AGO1: variants seen among roughly 807,000 people sequenced by gnomAD.
The protein encoded by AGO1 is protein argonaute-1.
Under a neutral mutation model 109.2 loss-of-function variants are expected in AGO1, and 11 were observed. The observed-to-expected ratio is 0.10, with a 90% CI of 0.06 to 0.17. The LOEUF (loss-of-function observed/expected upper bound fraction) is 0.17. AGO1 is among the 10% of genes least tolerant of loss of function. The pLI is 1.00. For missense variants in AGO1, 574 were observed against 1,140.3 expected, an observed-to-expected ratio of 0.50 and a Z score of 7.15; for synonymous variants, 422 against 418.6, an observed-to-expected ratio of 1.01 and a Z score of -0.10.
In AGO1 at chr1:35,921,736, A is replaced by G. The variant is rs1645837495; in HGVS notation, c.*2129A>G. On this transcript the variant is annotated 3_prime_UTR_variant, in exon 19 of 19. Transcript: ENST00000373204. ...CGTAGCACAAACATTCATTATGGAGAAAGCATCAGGACTGTTGAGTAACTC... is the reference window on the plus strand; with the variant it reads ...CGTAGCACAAACATTCATTATGGAGGAAGCATCAGGACTGTTGAGTAACTC... The G allele has an allele frequency of 6.6e-6, 1 of 152,666 alleles. No homozygotes were observed. Among genetic ancestry groups the G allele is most frequent in the Non-Finnish European group, 1.5e-5 (1 of 68,058 alleles). The allele number at this position is 152,666 out of a possible 1,614,324, so 9.5% of individuals were successfully genotyped here.
rs1247664198 is a variant in AGO1, at chr1:35,893,984, T to G, written c.650-53T>G. On this transcript the variant is annotated intron_variant, in intron 5 of 18. Coordinates refer to ENST00000373204, the MANE Select transcript of AGO1 (RefSeq NM_012199.5). The surrounding 1 kb of genome is among the most constrained non-coding windows in gnomAD (Gnocchi z 5.6). ...GAGGGTATAAATTGCTGTGCCTCCA[T>G]GTATTGTGGAAGACAGAACCTGAGC... 6 of 1,523,130 alleles carry G rather than the reference T, an allele frequency of 3.9e-6. No homozygotes were observed. The highest frequency in any genetic ancestry group is 5.3e-6 in the Non-Finnish European group (6 of 1,134,298). The allele number at this position is 1,523,130 out of a possible 1,614,324, so 94.4% of individuals were successfully genotyped here.
chr1:35,892,988 A>G (rs1162379215), intron 3 of AGO1, 109 bp from the exon 4 acceptor site: 3 of 1,143,416 alleles, frequency 2.6e-6, no homozygotes, highest in African/African-American at 1.6e-5. Flanking sequence ...GATTTTCATT[A>G]TGAGCCCCTA....
chr1:35,897,305 CAT>C, intron 8 of AGO1, among the ~76,000 whole-genome samples: 2 of 152,262 alleles, frequency 1.3e-5, no homozygotes, highest in South Asian at 4.1e-4. Flanking sequence ...CAAATTATGA[CAT>C]AGAATCAACC....
At chr1:35,902,521 A>T (rs1417449677) in intron 11 of AGO1, among the ~76,000 whole-genome samples, 184 bp downstream of exon 11, 1 of 152,224 alleles carries the variant, frequency 6.6e-6, no homozygotes, top group African/African-American at 2.4e-5. Context: ...GGGGAAGTTA[A>T]TAAGGAGCCA....
At chr1:35,885,724 G>A (rs1356493741) in intron 1 of AGO1, among the ~76,000 whole-genome samples, 1 of 152,272 alleles carries the variant, frequency 6.6e-6, no homozygotes, top group Non-Finnish European at 1.5e-5. Context: ...AGCACATACA[G>A]TGGACTGGGT....
intron 2 of AGO1, among the ~76,000 whole-genome samples, chr1:35,892,035 A>C (rs896382020): frequency 6.6e-6 from 1 of 151,944 alleles, no homozygotes; most frequent in Non-Finnish European, 1.5e-5. Flanking sequence ...ATGCCACCAT[A>C]CCCAGCTAAT....
chr1:35,883,336 C>T lies in AGO1; in HGVS notation c.-86C>T, dbSNP rs1645060435. On this transcript the variant is annotated 5_prime_UTR_variant, in exon 1 of 19. Transcript: ENST00000373204. The surrounding 1 kb of genome is among the most constrained non-coding windows in gnomAD (Gnocchi z 5.4). ...GGGAGCCGAGCCCGGCCCGGGATCC[C>T]GAGCAGCGAGAGTGTGGGGTACCTA... 4 of 1,538,868 alleles carry T rather than the reference C, an allele frequency of 2.6e-6. No homozygotes were observed. The South Asian group carries it at 3.6e-5, about 14-fold the overall frequency.
At chr1:35,870,529 C>T (rs892969028) in intron 1 of AGO1, among the ~76,000 whole-genome samples, 1 of 152,100 alleles carries the variant, frequency 6.6e-6, no homozygotes, top group Non-Finnish European at 1.5e-5. Flanking sequence ...GTGATCTGCA[C>T]GCCTCGCCTC....
upstream of AGO1, chr1:35,883,188 G>A: frequency 8.6e-7 from 1 of 1,165,694 alleles, no homozygotes. The surrounding 1 kb of genome is among the most constrained non-coding windows in gnomAD (Gnocchi z 5.4). Flanking sequence ...CGCCCCCTGG[G>A]CCCGGCGGTC....
rs1015973853 is a variant in AGO1 at position 35,892,961 on chromosome 1, G to T, written c.331-136G>T. ...TGAGCCAAGGTGGCTAGAACCTAAGGGGCTAGACTTACTCTGGATTTTCAT... is the reference window on the plus strand; with the variant it reads ...TGAGCCAAGGTGGCTAGAACCTAAGTGGCTAGACTTACTCTGGATTTTCAT... On this transcript the variant is annotated intron_variant, in intron 3 of 18. Transcript: ENST00000373204. 14 of 982,234 alleles carry T rather than the reference G, an allele frequency of 1.4e-5. No homozygotes were observed. In the African/African-American group the frequency reaches 2.0e-4, roughly 14 times the overall value. The allele number at this position is 982,234 out of a possible 1,614,324, so 60.8% of individuals were successfully genotyped here.
In AGO1 at chr1:35,923,684, T is replaced by C. The variant is rs1447359167; in HGVS notation, c.*4077T>C. 1 of 152,614 alleles carries C rather than the reference T, an allele frequency of 6.6e-6. No individual in the cohort carries two copies. Among genetic ancestry groups the C allele is most frequent in the Admixed American group, 6.5e-5 (1 of 15,288 alleles). 9.5% of individuals were successfully genotyped at this position (152,614 alleles called of 1,614,324 possible). A position where few individuals can be genotyped will look rare whatever the true frequency, so the allele number is the denominator to read the frequency against. ...CTCCGACTTAATAGGACTTGCCTTC[T>C]CCCTGGGCAGGGAGAGAGGCTGGGT... On this transcript the variant is annotated 3_prime_UTR_variant, in exon 19 of 19. Transcript: ENST00000373204.
intron 12 of AGO1, among the ~76,000 whole-genome samples, chr1:35,911,888 C>T (rs115382262): frequency 1.5e-4 from 23 of 152,178 alleles, no homozygotes; most frequent in Non-Finnish European, 2.9e-4. Flanking sequence ...TTGAAACACT[C>T]TCTTTCTTCC....
In AGO1 at chr1:35,902,310, A is replaced by G; in HGVS notation, c.1370A>G (p.Gln457Arg). Residue 457 changes from glutamine to arginine, a missense_variant, in exon 11 of 19, where the codon CAA becomes CGA. By Grantham distance (43) the Gln-to-Arg change is conservative (BLOSUM62 1). This residue lies in a region of AGO1 where 106 missense variants were observed against 147.8 expected (regional missense o/e 0.72). Coordinates refer to ENST00000373204, the MANE Select transcript of AGO1 (RefSeq NM_012199.5). The part of the protein sequence containing the change: ...KVWAIACFAP[Q>R]KQCREEVLKN... ...TGGGCCATCGCCTGCTTCGCACCCC[A>G]AAAACAGTGTCGAGAAGAGGTGCTC... 1 of 1,613,834 alleles carries G rather than the reference A, an allele frequency of 6.2e-7. No homozygotes were observed. The highest frequency in any genetic ancestry group is 8.5e-7 in the Non-Finnish European group (1 of 1,179,874).
Position 35,903,936 on chromosome 1 carries a change from G to A in AGO1, c.1397+1599G>A, listed in dbSNP as rs576371226. 4.0e-5 allele frequency among the ~76,000 whole-genome samples: 6 copies of A among 151,222 alleles called. No individual in the cohort carries two copies. The East Asian group carries it at 9.8e-4, about 25-fold the overall frequency. ...TAAGGTTGTGCCACTGCCCTCCAAC[G>A]TGGTAACAAAGCGAGACTCCATCTC... On this transcript the variant is annotated intron_variant, in intron 11 of 18. Coordinates refer to ENST00000373204, the MANE Select transcript of AGO1 (RefSeq NM_012199.5).
At chr1:35,914,981 T>A (rs1645708822) in intron 14 of AGO1, among the ~76,000 whole-genome samples, 1 of 152,164 alleles carries the variant, frequency 6.6e-6, no homozygotes, top group African/African-American at 2.4e-5. Flanking sequence ...AAGGATAAAC[T>A]TGGGACTGGA....
Position 35,893,236 on chromosome 1 carries a change from T to C in AGO1, c.470T>C (p.Val157Ala). 1 of 1,614,068 alleles carries C rather than the reference T, an allele frequency of 6.2e-7. No homozygotes were observed. ...CAGATCCCTGTTCCCTTGGAGTCTG[T>C]GCAAGCCCTGGATGTGGCCATGAGG... is the stretch of plus-strand genomic sequence containing the variant. ...SGQIPVPLESVQALDVAMRHL... is the reference protein window; with the variant it reads ...SGQIPVPLESAQALDVAMRHL... The change falls in exon 4 of 19, where the codon GTG becomes GCG. Residue 157 changes from valine to alanine, a missense_variant. This residue lies in a region of AGO1 where 129 missense variants were observed against 243.0 expected (regional missense o/e 0.53). Coordinates refer to ENST00000373204, the MANE Select transcript of AGO1 (RefSeq NM_012199.5). This position sits in a 1 kb window ranked among gnomAD's most constrained non-coding sequence, Gnocchi z 5.6.
At chr1:35,900,989 T>TA (rs1645405305) in intron 8 of AGO1, among the ~76,000 whole-genome samples, 1 of 151,908 alleles carries the variant, frequency 6.6e-6, no homozygotes, top group Non-Finnish European at 1.5e-5. Context: ...TGCCCTTTTT[T>TA]TTTTTTTTTT....
chr1:35,910,771 A>AATAATGCT (rs1645618589), intron 12 of AGO1, among the ~76,000 whole-genome samples: 1 of 152,200 alleles, frequency 6.6e-6, no homozygotes, highest in Non-Finnish European at 1.5e-5. Context: ...GACTGTTGAA[A>AATAATGCT]ATAATGCTTC....
At position 35,929,767 on chromosome 1, in the gene AGO1, C is replaced by A. The variant is rs894380672; in HGVS notation, c.*10160C>A. The A allele has an allele frequency of 2.6e-5, 4 of 152,070 alleles. No homozygotes were observed. Among genetic ancestry groups the A allele is most frequent in the African/African-American group, 9.7e-5 (4 of 41,402 alleles). The allele number at this position is 152,070 out of a possible 1,614,324, so 9.4% of individuals were successfully genotyped here. A position where few individuals can be genotyped will look rare whatever the true frequency, so the allele number is the denominator to read the frequency against. ...ATTGTTTAATATTATATGGTAAGTA[C>A]TTTAAAATGGTAAATAGTAAATACT... On this transcript the variant is annotated 3_prime_UTR_variant, in exon 19 of 19. Transcript: ENST00000373204.
Sources: gnomAD v4.1 joint callset for allele counts (sites outside exome capture counted in the v4.1 genomes callset) on GRCh38, gnomAD v4.1.1 for gene constraint, gnomAD v4.1.1 regional missense constraint, Gnocchi (gnomAD v3.1) non-coding constraint, MANE v1.5 for transcripts, NCBI Gene and HGNC (gene_info 2026-07-23, HGNC 2026-07-21) for gene names.